The following LDHA variants were observed in gnomAD, a reference collection of about 807,000 sequenced individuals.
The protein encoded by LDHA is lactate dehydrogenase A, also known as L-lactate dehydrogenase A chain.
LDHA carries 10 observed loss-of-function variants against 36.3 expected under a neutral mutation model. The ratio of observed to expected loss-of-function variants is 0.28; its 90% CI spans 0.17 to 0.47. The LOEUF is 0.47. Among genes scored for constraint, LDHA ranks in the 20% least tolerant of loss-of-function variants. The pLI, the probability that LDHA is intolerant of heterozygous loss-of-function variation, is 0.99. For synonymous variants in LDHA, 110 were observed against 136.7 expected, an observed-to-expected ratio of 0.80 and a Z score of 1.36; for missense variants, 267 against 405.8, an observed-to-expected ratio of 0.66 and a Z score of 2.94.
In LDHA at chr11:18,405,521, G is replaced by A. The variant is rs1738012179; in HGVS notation, c.783G>A (p.Glu261=). 1 of 1,613,908 alleles carries A rather than the reference G, an allele frequency of 6.2e-7. No homozygotes were observed. Among genetic ancestry groups the A allele is most frequent in the Admixed American group, 1.7e-5 (1 of 59,994 alleles). The change falls in exon 7 of 8, where the codon GAG becomes GAA. Residue 261 remains glutamate, a synonymous_variant. Coordinates refer to ENST00000422447, the MANE Select transcript of LDHA (RefSeq NM_005566.4). ...AIGLSVADLA[E]SIMKNLRRVH... ...GACTCTCTGTAGCAGATTTGGCAGA[G>A]AGTATAATGAAGAATCTTAGGCGGG...
At position 18,407,434 on chromosome 11, in the gene LDHA, G is replaced by A; in HGVS notation, c.*153G>A. ...CATCAACTCCTGAAGTTAGAAATAA[G>A]AATGGTTTGTAAAATCCACAGCTAT... is the stretch of plus-strand genomic sequence containing the variant. On this transcript the variant is annotated 3_prime_UTR_variant, in exon 8 of 8. Coordinates refer to ENST00000422447, the MANE Select transcript of LDHA (RefSeq NM_005566.4). The A allele has an allele frequency of 6.8e-7, 1 of 1,473,238 alleles. No homozygotes were observed. Among genetic ancestry groups the A allele is most frequent in the South Asian group, 1.2e-5 (1 of 83,044 alleles). 91.3% of individuals were successfully genotyped at this position (1,473,238 alleles called of 1,614,324 possible).
chr11:18,396,755 A>T, intron 1 of LDHA, 64 bp from the exon 2 acceptor site: 1 of 1,474,978 alleles, frequency 6.8e-7, no homozygotes, highest in Non-Finnish European at 9.1e-7. Context: ...ATAGCTTAAA[A>T]AAATCTCTTG....
At chr11:18,402,757 A>T in intron 4 of LDHA, 83 bp from the exon 5 acceptor site, 1 of 1,021,278 alleles carries the variant, frequency 9.8e-7, no homozygotes, top group Non-Finnish European at 1.6e-6. Context: ...GTATCTGGTT[A>T]AGTGTTTTCT....
chr11:18,397,644 T>A (rs2134018703), intron 2 of LDHA, among the ~76,000 whole-genome samples: 1 of 152,150 alleles, frequency 6.6e-6, no homozygotes, highest in Non-Finnish European at 1.5e-5. Context: ...ACCCCATCTT[T>A]ACTAGAAATA....
intron 4 of LDHA, 157 bp downstream of exon 4, chr11:18,401,167 G>T: frequency 6.5e-6 from 2 of 306,444 alleles, no homozygotes; most frequent in Non-Finnish European, 9.9e-6. Flanking sequence ...TATATATTTT[G>T]AGGCGGAGTT....
At chr11:18,401,503 A>G (rs1866499706) in intron 4 of LDHA, among the ~76,000 whole-genome samples, 1 of 55,214 alleles carries the variant, frequency 1.8e-5, no homozygotes, top group African/African-American at 6.4e-5. Context: ...TTTGAGACGG[A>G]GTCTTGCTCT....
chr11:18,397,903 G>A (rs1866353960), intron 2 of LDHA, among the ~76,000 whole-genome samples: 1 of 152,154 alleles, frequency 6.6e-6, no homozygotes, highest in African/African-American at 2.4e-5. Context: ...AGTGAGAAGG[G>A]ACTAAAGACA....
rs1866463840 is a variant in LDHA, at chr11:18,400,923, C to G, written c.331C>G (p.Gln111Glu). ...QEGESRLNLV[Q>E]RNVNIFKFII... ...GGGAGAAAGCCGTCTTAATTTGGTC[C>G]AGCGTAACGTGAACATCTTTAAATT... The change falls in exon 4 of 8, where the codon CAG (glutamine) becomes GAG (glutamate). Residue 111 changes from glutamine (Q) to glutamate (E), a missense_variant. Transcript: ENST00000422447. 1 of 1,613,204 alleles carries G rather than the reference C, an allele frequency of 6.2e-7. No individual in the cohort carries two copies. The highest frequency in any genetic ancestry group is 1.3e-5 in the African/African-American group (1 of 74,978).
intron 7 of LDHA, chr11:18,406,749 C>A: frequency 5.7e-6 from 1 of 175,634 alleles, no homozygotes. Flanking sequence ...GGCTCTGTGG[C>A]TCATGCTTGT....
In LDHA at chr11:18,408,356, AC is replaced by A; in HGVS notation, c.*1076del. On this transcript the variant is annotated 3_prime_UTR_variant, in exon 8 of 8. Transcript: ENST00000422447. ...AAAAAACAAAACAAAACCAAAAAAAACAAGTAACCTTGGTGGATGTCTACTC... is the reference window on the plus strand; with the variant it reads ...AAAAAACAAAACAAAACCAAAAAAAAAAGTAACCTTGGTGGATGTCTACTC... 1 of 364,040 alleles carries A rather than the reference AC, an allele frequency of 2.7e-6. No homozygotes were observed. Among genetic ancestry groups the A allele is most frequent in the South Asian group, 2.1e-5 (1 of 47,408 alleles). The allele number at this position is 364,040 out of a possible 1,614,324, so 22.6% of individuals were successfully genotyped here.
At chr11:18,404,665 G>T (rs1021983437) in intron 6 of LDHA, among the ~76,000 whole-genome samples, 13 of 151,692 alleles carry the variant, frequency 8.6e-5, no homozygotes, top group Admixed American at 1.3e-4. Flanking sequence ...AAAATTAGCC[G>T]GGCGTGGTGG....
At chr11:18,405,593 G>A (rs370174954) in intron 7 of LDHA, 21 bp downstream of exon 7, 31 of 1,612,010 alleles carry the variant, frequency 1.9e-5, no homozygotes, top group Non-Finnish European at 2.4e-5. Flanking sequence ...GTAGTGATAC[G>A]CTGCATTTGA....
Position 18,405,537 on chromosome 11 carries a change from C to T in LDHA, c.799C>T (p.Leu267Phe), listed in dbSNP as rs762657047. Residue 267 changes from leucine to phenylalanine, a missense_variant, in exon 7 of 8, where the codon CTT becomes TTT. Transcript: ENST00000422447. ...TTTGGCAGAGAGTATAATGAAGAAT[C>T]TTAGGCGGGTGCACCCAGTTTCCAC... ...ADLAESIMKN[L>F]RRVHPVSTMI... The T allele has an allele frequency of 6.2e-7, 1 of 1,613,992 alleles. No individual in the cohort carries two copies. The highest frequency in any genetic ancestry group is 1.1e-5 in the South Asian group (1 of 91,076).
At chr11:18,401,406 A>G (rs1238413136) in intron 4 of LDHA, among the ~76,000 whole-genome samples, 1 of 150,560 alleles carries the variant, frequency 6.6e-6, no homozygotes. Context: ...CTGCCTCCCA[A>G]AGTGCTAGGA....
chr11:18,397,008 C>T, intron 2 of LDHA, 40 bp downstream of exon 2: 1 of 1,590,014 alleles, frequency 6.3e-7, no homozygotes, highest in Non-Finnish European at 8.6e-7. Flanking sequence ...CATACCTTGA[C>T]CCCATCCTCT....
chr11:18,398,640 G>A (rs1477284313), intron 2 of LDHA: 1 of 120,412 alleles, frequency 8.3e-6, no homozygotes, highest in African/African-American at 3.4e-5. Flanking sequence ...CTGAGAAGGA[G>A]TCTCGCCGTG....
chr11:18,402,294 A>G (rs10832930), intron 4 of LDHA, among the ~76,000 whole-genome samples: 98,667 of 151,606 alleles, frequency 0.65, 33,132 homozygotes, highest in South Asian at 0.76. Flanking sequence ...TTATTTTCAT[A>G]AAACTGTTAC....
Position 18,405,502 on chromosome 11 carries a change from CTG to C in LDHA, c.766_767del (p.Val256SerfsTer12). 6.2e-7 allele frequency: 1 copy of C among 1,613,816 alleles called. No individual in the cohort carries two copies. The highest frequency in any genetic ancestry group is 8.5e-7 in the Non-Finnish European group (1 of 1,179,774). On this transcript the variant is annotated frameshift_variant, in exon 7 of 8. Coordinates refer to ENST00000422447, the MANE Select transcript of LDHA (RefSeq NM_005566.4). LOFTEE classifies it high-confidence loss of function. ...TACACATCCTGGGCTATTGGACTCT[CTG>C]TAGCAGATTTGGCAGAGAGTATAAT...
intron 6 of LDHA, 80 bp from the exon 7 acceptor site, chr11:18,405,369 T>C: frequency 7.3e-7 from 1 of 1,374,738 alleles, no homozygotes; most frequent in South Asian, 1.2e-5. Flanking sequence ...CTGTAAAATG[T>C]GTATTAATGA....
Sources: allele counts gnomAD v4.1 joint callset (sites outside exome capture counted in the v4.1 genomes callset), GRCh38; gene constraint gnomAD v4.1.1; transcripts MANE v1.5; gene names NCBI Gene and HGNC (gene_info 2026-07-23, HGNC 2026-07-21).